MAGI1: variants seen among roughly 807,000 people sequenced by gnomAD.
MAGI1 encodes the protein membrane-associated guanylate kinase, WW and PDZ domain-containing protein 1.
A neutral mutation model predicts 139.9 loss-of-function variants in MAGI1; 58 were observed. The observed-to-expected ratio is 0.41, with a 90% CI of 0.34 to 0.52. The LOEUF (loss-of-function observed/expected upper bound fraction) is 0.52. Ranked by LOEUF, MAGI1 falls within the 20% of genes least tolerant of loss-of-function variation. MAGI1 has a pLI of 0.12. For synonymous variants in MAGI1, 812 were observed against 737.9 expected, an observed-to-expected ratio of 1.10 and a Z score of -1.63; for missense variants, 1,874 against 1,901.6, an observed-to-expected ratio of 0.99 and a Z score of 0.27.
chr3:65,752,998 C>T (rs181208938), intron 1 of MAGI1, among the ~76,000 whole-genome samples: 1 of 152,270 alleles, frequency 6.6e-6, no homozygotes, highest in Non-Finnish European at 1.5e-5. Flanking sequence ...TACTGTAATA[C>T]CCCTATTACA....
intron 1 of MAGI1, among the ~76,000 whole-genome samples, chr3:65,855,511 G>C (rs2059344948): frequency 6.9e-6 from 1 of 144,050 alleles, no homozygotes; most frequent in South Asian, 2.4e-4. Context: ...TGAGGCAGGG[G>C]GGATCACTTA....
intron 1 of MAGI1, among the ~76,000 whole-genome samples, chr3:65,872,089 T>A (rs1476476267): frequency 6.6e-6 from 1 of 152,184 alleles, no homozygotes; most frequent in Non-Finnish European, 1.5e-5. Flanking sequence ...CTGGGAAAAC[T>A]GGGAAAATTA....
intron 1 of MAGI1, among the ~76,000 whole-genome samples, chr3:65,952,684 G>A (rs2106970997): frequency 6.6e-6 from 1 of 152,178 alleles, no homozygotes; most frequent in Non-Finnish European, 1.5e-5. Flanking sequence ...CGTGGTGGCG[G>A]GCGCCTGTAG....
intron 1 of MAGI1, among the ~76,000 whole-genome samples, chr3:65,756,320 G>A (rs1424562566): frequency 6.6e-6 from 1 of 152,170 alleles, no homozygotes; most frequent in Non-Finnish European, 1.5e-5. Flanking sequence ...GTGCATGTCG[G>A]TGTGGATGAG....
At chr3:65,863,364 C>T (rs186048790) in intron 1 of MAGI1, among the ~76,000 whole-genome samples, 72 of 152,254 alleles carry the variant, frequency 4.7e-4, no homozygotes, top group African/African-American at 1.2e-3. Context: ...AGGCTAAGAG[C>T]CTTTCAATTT....
intron 8 of MAGI1, 146 bp downstream of exon 8, chr3:65,442,646 A>G: frequency 1.8e-6 from 1 of 550,778 alleles, no homozygotes; most frequent in Non-Finnish European, 3.2e-6. Context: ...TTTCTCATTC[A>G]TTAATATATG....
chr3:65,952,351 A>G lies in MAGI1; in HGVS notation c.313+85645T>C, dbSNP rs79759997. On this transcript the variant is annotated intron_variant, in intron 1 of 22. Transcript: ENST00000402939. Reference sequence around the variant, plus strand: ...TTGACCACAACTAAACCAATATTAGAAGGAAGTGCTTGCACTTGTTTTTTT... The same window carrying G: ...TTGACCACAACTAAACCAATATTAGGAGGAAGTGCTTGCACTTGTTTTTTT... 2.6e-3 allele frequency among the ~76,000 whole-genome samples: 394 copies of G among 152,322 alleles called. 4 individuals carry two copies. The East Asian group carries it at 0.042, about 16-fold the overall frequency.
At chr3:65,944,836 T>C (rs1325934656) in intron 1 of MAGI1, among the ~76,000 whole-genome samples, 3 of 152,142 alleles carry the variant, frequency 2.0e-5, no homozygotes, top group Non-Finnish European at 2.9e-5. Flanking sequence ...AACCCAACAA[T>C]AGGGAAATGG....
intron 22 of MAGI1, chr3:65,360,658 G>T (rs2106711563): frequency 1.0e-6 from 1 of 986,400 alleles, no homozygotes; most frequent in East Asian, 1.1e-4. Flanking sequence ...GGGCTCAGAT[G>T]GTCTGATTTG....
intron 18 of MAGI1, chr3:65,365,212 T>G (rs1941299536): frequency 3.1e-6 from 2 of 644,816 alleles, no homozygotes; most frequent in Non-Finnish European, 5.8e-6. Flanking sequence ...AAAACACTGC[T>G]CTAAAATTCT....
intron 4 of MAGI1, among the ~76,000 whole-genome samples, chr3:65,477,711 ATTTTTTT>A (rs60679864): frequency 7.1e-6 from 1 of 141,612 alleles, no homozygotes; most frequent in African/African-American, 2.6e-5. Context: ...TATTATTATT[ATTTTTTT>A]TTTTTTATTT....
At position 65,354,576 on chromosome 3, in the gene MAGI1, C is replaced by T. The variant is rs1376024622; in HGVS notation, c.*1802G>A. On this transcript the variant is annotated 3_prime_UTR_variant, in exon 23 of 23. Coordinates refer to ENST00000402939, the MANE Select transcript of MAGI1 (RefSeq NM_001033057.2). Reference sequence around the variant, plus strand: ...ATGCAAACAAGTGCTTAATAATTCACAAGCAGGCTCACCATGGAGGAAATG... The same window carrying T: ...ATGCAAACAAGTGCTTAATAATTCATAAGCAGGCTCACCATGGAGGAAATG... The T allele has an allele frequency of 2.0e-5, 3 of 152,610 alleles. No individual in the cohort carries two copies. Among genetic ancestry groups the T allele is most frequent in the African/African-American group, 7.2e-5 (3 of 41,442 alleles). 9.5% of individuals were successfully genotyped at this position (152,610 alleles called of 1,614,324 possible). A position where few individuals can be genotyped will look rare whatever the true frequency, so the allele number is the denominator to read the frequency against.
intron 1 of MAGI1, among the ~76,000 whole-genome samples, chr3:65,769,012 T>G (rs141100423): frequency 1.3e-5 from 2 of 152,124 alleles, no homozygotes; most frequent in Non-Finnish European, 2.9e-5. Context: ...AAAGAGCCTC[T>G]TGGTAACTTA....
intron 1 of MAGI1, among the ~76,000 whole-genome samples, chr3:65,961,800 T>A (rs1373096764): frequency 5.3e-5 from 8 of 152,156 alleles, no homozygotes; most frequent in Non-Finnish European, 8.8e-5. Flanking sequence ...ACAGACTCCA[T>A]TCCTCTTCCC....
chr3:65,847,204 T>C (rs1184477290), intron 1 of MAGI1, among the ~76,000 whole-genome samples: 1 of 152,070 alleles, frequency 6.6e-6, no homozygotes, highest in Non-Finnish European at 1.5e-5. Context: ...AAATCACAAA[T>C]CAGAGACAGA....
intron 1 of MAGI1, among the ~76,000 whole-genome samples, chr3:65,865,461 TG>T (rs1442583246): frequency 2.0e-5 from 3 of 152,080 alleles, no homozygotes; most frequent in Admixed American, 1.3e-4. Context: ...CCAGGCGTGG[TG>T]GCACACACCT....
At chr3:65,915,932 T>C (rs1438649343) in intron 1 of MAGI1, among the ~76,000 whole-genome samples, 2 of 151,288 alleles carry the variant, frequency 1.3e-5, no homozygotes, top group African/African-American at 4.8e-5. Context: ...TTATTATCAT[T>C]TCTGTGTAAG....
intron 1 of MAGI1, among the ~76,000 whole-genome samples, chr3:65,656,985 A>T (rs1279038872): frequency 6.6e-6 from 1 of 150,460 alleles, no homozygotes; most frequent in African/African-American, 2.4e-5. Context: ...ATCTCAAAAA[A>T]AAAAAAAAAA....
At chr3:65,578,044 C>T (rs1009283823) in intron 2 of MAGI1, among the ~76,000 whole-genome samples, 1 of 152,204 alleles carries the variant, frequency 6.6e-6, no homozygotes, top group Non-Finnish European at 1.5e-5. Flanking sequence ...GCCTTCTACC[C>T]AGCATGCCTG....
Sources: allele counts gnomAD v4.1 joint callset (sites outside exome capture counted in the v4.1 genomes callset), GRCh38; gene constraint gnomAD v4.1.1; transcripts MANE v1.5; gene names NCBI Gene and HGNC (gene_info 2026-07-23, HGNC 2026-07-21).